Variants in ZNF212 observed in about 807,000 individuals in gnomAD.
ZNF212 encodes the protein zinc finger protein 212, also known as Zinc finger protein C2H2-150.
Under a neutral mutation model 47.3 loss-of-function variants are expected in ZNF212, and 32 were observed. That is an observed-to-expected ratio of 0.68 (90% CI 0.51 to 0.91). ZNF212 has a LOEUF of 0.91. Among genes scored for constraint, ZNF212 ranks in the 40% least tolerant of loss-of-function variants. The probability of loss-of-function intolerance (pLI) is 0.00; values close to 1 mark genes in which losing one functional copy is unlikely to be tolerated. For synonymous variants in ZNF212, 242 were observed against 253.8 expected (o/e 0.95, Z 0.44); for missense variants, 555 against 622.8 (o/e 0.89, Z 1.16).
chr7:149,239,894 G>T, intron 1 of ZNF212, 92 bp downstream of exon 1: 1 of 1,250,092 alleles, frequency 8.0e-7, no homozygotes. Flanking sequence ...GACGCCGCCG[G>T]GGTCTTGGTT....
rs1796804612 is a variant in ZNF212, at chr7:149,254,338, C to T, written c.1411C>T (p.Leu471=). 1 of 1,612,724 alleles carries T rather than the reference C, an allele frequency of 6.2e-7. No homozygotes were observed. The highest frequency in any genetic ancestry group is 8.5e-7 in the Non-Finnish European group (1 of 1,180,038). Residue 471 remains leucine (L), a synonymous_variant, in exon 5 of 5, where the codon CTG becomes TTG. Transcript: ENST00000335870. The surrounding 1 kb of genome is among the most constrained non-coding windows in gnomAD (Gnocchi z 4.5). ...GAGCTTTGTCCAGAAGCAGCACCTC[C>T]TGCAGCACCAGAAGATCCACCAGCG... ...EKSFVQKQHL[L]QHQKIHQRER...
At chr7:149,246,894 C>T (rs1468726606) in intron 1 of ZNF212, among the ~76,000 whole-genome samples, 8 of 143,200 alleles carry the variant, frequency 5.6e-5, no homozygotes, top group African/African-American at 2.1e-4. Context: ...TTCACCGCAA[C>T]CTCCGCCTCT....
At chr7:149,247,896 T>A (rs976813656) in intron 1 of ZNF212, among the ~76,000 whole-genome samples, 3 of 152,206 alleles carry the variant, frequency 2.0e-5, no homozygotes, top group African/African-American at 7.2e-5. Context: ...TTCTGGTGGC[T>A]GGAAAGTTCA....
chr7:149,251,965 A>G (rs1796767314), intron 3 of ZNF212, among the ~76,000 whole-genome samples: 1 of 148,158 alleles, frequency 6.7e-6, no homozygotes, highest in African/African-American at 2.5e-5. Context: ...AAAAAAAAAG[A>G]TGATTTGATA....
rs577549247 is a variant in ZNF212 at position 149,252,952 on chromosome 7, A to G, written c.631+157A>G. Reference sequence around the variant, plus strand: ...TGATTGTCGTTAGTTCAGCTGTTACATATGCCTCAACTCCTACCACCCTGT... The same window carrying G: ...TGATTGTCGTTAGTTCAGCTGTTACGTATGCCTCAACTCCTACCACCCTGT... On this transcript the variant is annotated intron_variant, in intron 4 of 4. Coordinates refer to ENST00000335870, the MANE Select transcript of ZNF212 (RefSeq NM_012256.4). Among the ~76,000 whole-genome samples, 8 of 152,204 alleles carry G rather than the reference A, an allele frequency of 5.3e-5. No homozygotes were observed. The East Asian group carries it at 1.4e-3, about 26-fold the overall frequency.
At chr7:149,252,592 C>G (rs1378453085) in intron 3 of ZNF212, 114 bp from the exon 4 acceptor site, 4 of 911,856 alleles carry the variant, frequency 4.4e-6, no homozygotes, top group Non-Finnish European at 7.0e-6. Flanking sequence ...AGAACAGTAG[C>G]CTTTGAATCT....
At chr7:149,251,127 C>A in intron 3 of ZNF212, 1 of 278,408 alleles carries the variant, frequency 3.6e-6, no homozygotes, top group Non-Finnish European at 6.8e-6. Flanking sequence ...TGTCATATAC[C>A]CTATAGTGTG....
chr7:149,254,104 C>G lies in ZNF212; in HGVS notation c.1177C>G (p.Gln393Glu). 1 of 1,613,362 alleles carries G rather than the reference C, an allele frequency of 6.2e-7. No homozygotes were observed. The highest frequency in any genetic ancestry group is 1.7e-4 in the Middle Eastern group (1 of 6,058). The change falls in exon 5 of 5, where the codon CAG (glutamine) becomes GAG (glutamate). Residue 393 changes from glutamine (Q) to glutamate (E), a missense_variant. By Grantham distance (29) the Gln-to-Glu change is conservative. Transcript: ENST00000335870. This position sits in a 1 kb window ranked among gnomAD's most constrained non-coding sequence, Gnocchi z 4.5. ...GGTGACCCATCAGCGTTGCCACCTGCAGGAGGGGCCCAGTGCCGGCCAGCA... is the reference window on the plus strand; with the variant it reads ...GGTGACCCATCAGCGTTGCCACCTGGAGGAGGGGCCCAGTGCCGGCCAGCA... ...SLVTHQRCHL[Q>E]EGPSAGQHVQ...
intron 1 of ZNF212, among the ~76,000 whole-genome samples, chr7:149,244,105 T>C (rs1796640729): frequency 6.6e-6 from 1 of 151,732 alleles, no homozygotes; most frequent in Admixed American, 6.6e-5. Context: ...CCGGCTAATT[T>C]TGTATTTTTA....
intron 1 of ZNF212, among the ~76,000 whole-genome samples, chr7:149,248,201 A>G (rs1007215794): frequency 6.6e-6 from 1 of 152,164 alleles, no homozygotes; most frequent in Non-Finnish European, 1.5e-5. Context: ...CAATTTCAAC[A>G]TGGGTTTTGG....
rs1796794647 is a variant in ZNF212 at position 149,253,802 on chromosome 7, C to T, written c.875C>T (p.Ser292Phe). The T allele has an allele frequency of 6.2e-7, 1 of 1,614,008 alleles. No homozygotes were observed. Among genetic ancestry groups the T allele is most frequent in the Non-Finnish European group, 8.5e-7 (1 of 1,179,984 alleles). The change falls in exon 5 of 5, where the codon TCT (serine) becomes TTT (phenylalanine). Residue 292 changes from serine to phenylalanine, a missense_variant. Transcript: ENST00000335870. ...SRTVGCPKQKSHRQVQLDQEC... is the reference protein window; with the variant it reads ...SRTVGCPKQKFHRQVQLDQEC... ...ACTGTGGGCTGCCCGAAGCAGAAATCTCATAGGCAGGTACAGCTGGACCAG... is the reference window on the plus strand; with the variant it reads ...ACTGTGGGCTGCCCGAAGCAGAAATTTCATAGGCAGGTACAGCTGGACCAG...
chr7:149,254,550 C>A lies in ZNF212; in HGVS notation c.*135C>A. On this transcript the variant is annotated 3_prime_UTR_variant, in exon 5 of 5. Coordinates refer to ENST00000335870, the MANE Select transcript of ZNF212 (RefSeq NM_012256.4). This position sits in a 1 kb window ranked among gnomAD's most constrained non-coding sequence, Gnocchi z 4.5. ...GCCTTCCCTTGTCCCAGTACCAAGC[C>A]AAGCCCAAAGGCTGTCCTGAAAACC... The A allele has an allele frequency of 1.5e-6, 2 of 1,327,708 alleles. No homozygotes were observed. Among genetic ancestry groups the A allele is most frequent in the African/African-American group, 1.5e-5 (1 of 67,772 alleles). 82.2% of individuals were successfully genotyped at this position (1,327,708 alleles called of 1,614,324 possible). A position where few individuals can be genotyped will look rare whatever the true frequency, so the allele number is the denominator to read the frequency against.
In ZNF212 at chr7:149,248,725, G is replaced by A. The variant is rs972324268; in HGVS notation, c.25-1434G>A. Among the ~76,000 whole-genome samples the A allele has an allele frequency of 2.6e-5, 4 of 152,308 alleles. No individual in the cohort carries two copies. In the East Asian group the frequency reaches 7.7e-4, roughly 29 times the overall value. ...AAACATGATGGCATGCATATATCCA[G>A]TTTAATATTTTGTTTTGTTTCGCTT... is the stretch of plus-strand genomic sequence containing the variant. On this transcript the variant is annotated intron_variant, in intron 1 of 4. Transcript: ENST00000335870.
In ZNF212 at chr7:149,254,135, A is replaced by G. The variant is rs765985560; in HGVS notation, c.1208A>G (p.Gln403Arg). ...GGGCCCAGTGCCGGCCAGCATGTCC[A>G]AGAGAGGTTCTCACCCAACAGCCTG... ...QEGPSAGQHVQERFSPNSLVA... is the reference protein window; with the variant it reads ...QEGPSAGQHVRERFSPNSLVA... The change falls in exon 5 of 5, where the codon CAA (glutamine) becomes CGA (arginine). Residue 403 changes from glutamine to arginine, a missense_variant. Coordinates refer to ENST00000335870, the MANE Select transcript of ZNF212 (RefSeq NM_012256.4). This position sits in a 1 kb window ranked among gnomAD's most constrained non-coding sequence, Gnocchi z 4.5. 2 of 1,614,110 alleles carry G rather than the reference A, an allele frequency of 1.2e-6. No homozygotes were observed.
At chr7:149,243,934 T>C (rs1748821497) in intron 1 of ZNF212, among the ~76,000 whole-genome samples, 1 of 152,188 alleles carries the variant, frequency 6.6e-6, no homozygotes, top group African/African-American at 2.4e-5. Context: ...TTAAATTTTA[T>C]TTATTTATTT....
At chr7:149,240,523 G>A (rs1412047723) in intron 1 of ZNF212, among the ~76,000 whole-genome samples, 2 of 152,164 alleles carry the variant, frequency 1.3e-5, no homozygotes, top group Non-Finnish European at 2.9e-5. Context: ...TTAGGCAACT[G>A]TGTTCGCTTC....
At chr7:149,239,977 C>T (rs1796563884) in intron 1 of ZNF212, 175 bp downstream of exon 1, 5 of 722,826 alleles carry the variant, frequency 6.9e-6, no homozygotes, top group East Asian at 3.4e-5. Context: ...CCCTTTTTTC[C>T]CTCCGCTTCC....
intron 1 of ZNF212, among the ~76,000 whole-genome samples, chr7:149,245,163 A>C (rs1453476181): frequency 6.6e-6 from 1 of 152,030 alleles, no homozygotes; most frequent in Admixed American, 6.6e-5. Flanking sequence ...CGCCTGGGCA[A>C]CATGGTGAAA....
intron 1 of ZNF212, among the ~76,000 whole-genome samples, chr7:149,240,591 T>TG: frequency 6.6e-6 from 1 of 152,346 alleles, no homozygotes; most frequent in Admixed American, 6.5e-5. Flanking sequence ...AGTTGCTAGA[T>TG]GATCTCCAAG....
Sources: allele counts gnomAD v4.1 joint callset (sites outside exome capture counted in the v4.1 genomes callset), GRCh38; gene constraint gnomAD v4.1.1; non-coding constraint Gnocchi (gnomAD v3.1); transcripts MANE v1.5; gene names NCBI Gene and HGNC (gene_info 2026-07-23, HGNC 2026-07-21).